The following RBM19 variants were observed in gnomAD, a reference collection of about 807,000 sequenced individuals.
RBM19 encodes the protein probable RNA-binding protein 19.
In RBM19, 94 loss-of-function variants were observed where a neutral mutation model predicts 116.8. The ratio of observed to expected loss-of-function variants is 0.80; its 90% CI spans 0.68 to 0.95. RBM19 has a LOEUF of 0.95. Ranked by LOEUF, RBM19 falls within the 40% of genes least tolerant of loss-of-function variation. The probability of loss-of-function intolerance (pLI) is 0.00; values close to 1 mark genes in which losing one functional copy is unlikely to be tolerated. For synonymous variants in RBM19, 475 were observed against 494.1 expected (o/e 0.96, Z 0.51); for missense variants, 1,161 against 1,220.7 (o/e 0.95, Z 0.73).
At chr12:113,838,779 A>T (rs1876184849) in intron 23 of RBM19, among the ~76,000 whole-genome samples, 1 of 152,194 alleles carries the variant, frequency 6.6e-6, no homozygotes, top group African/African-American at 2.4e-5. Context: ...GTGCTCAGGG[A>T]CCCAGGGAAG....
intron 8 of RBM19, 54 bp downstream of exon 8, chr12:113,952,458 C>T: frequency 6.7e-7 from 1 of 1,499,782 alleles, no homozygotes. Context: ...GTACCCCAAC[C>T]TTCAATCTTC....
At position 113,922,516 on chromosome 12, in the gene RBM19, T is replaced by C. The variant is rs541903052; in HGVS notation, c.2306-1826A>G. ...AGTACAAGGCTGGCCCCACAGAGCA[T>C]CTGACTGGGCGCAGTGAGAGGCAGG... On this transcript the variant is annotated intron_variant, in intron 18 of 23. Coordinates refer to ENST00000261741, the MANE Select transcript of RBM19 (RefSeq NM_016196.4). 7.2e-5 allele frequency among the ~76,000 whole-genome samples: 11 copies of C among 152,124 alleles called. No homozygotes were observed. The South Asian group carries it at 2.3e-3, about 32-fold the overall frequency.
intron 19 of RBM19, among the ~76,000 whole-genome samples, chr12:113,919,289 A>C (rs749823941): frequency 2.6e-5 from 4 of 152,248 alleles, no homozygotes; most frequent in Non-Finnish European, 5.9e-5. Context: ...ATTAGAACTT[A>C]GGCTGAGCAT....
chr12:113,822,547 C>G lies in RBM19; in HGVS notation c.*677G>C, dbSNP rs566141076. On this transcript the variant is annotated 3_prime_UTR_variant, in exon 24 of 24. Transcript: ENST00000261741. ...TTCCCTGGGTGACTGAACCAGGGCT[C>G]GTGGTCCCAAGTGACGAGGATGGGG... is the stretch of plus-strand genomic sequence containing the variant. The G allele has an allele frequency of 1.7e-4, 26 of 152,218 alleles. No individual in the cohort carries two copies. Among genetic ancestry groups the G allele is most frequent in the African/African-American group, 5.8e-4 (24 of 41,520 alleles). 9.4% of individuals were successfully genotyped at this position (152,218 alleles called of 1,614,324 possible).
At chr12:113,844,042 G>A (rs188971565) in intron 23 of RBM19, among the ~76,000 whole-genome samples, 1 of 152,334 alleles carries the variant, frequency 6.6e-6, no homozygotes, top group African/African-American at 2.4e-5. Context: ...CCTGAGCCTA[G>A]GGCCCTGCTT....
chr12:113,856,318 A>G (rs1194276242), intron 22 of RBM19, among the ~76,000 whole-genome samples: 1 of 152,218 alleles, frequency 6.6e-6, no homozygotes, highest in Non-Finnish European at 1.5e-5. Context: ...CCACCTGGGC[A>G]CTTGGTGAAC....
chr12:113,938,494 G>A (rs1426725487), intron 15 of RBM19, among the ~76,000 whole-genome samples: 1 of 145,544 alleles, frequency 6.9e-6, no homozygotes, highest in East Asian at 2.0e-4. Context: ...TCTAAGAATT[G>A]CTGAGGGAGA....
Position 113,924,685 on chromosome 12 carries a change from C to T in RBM19, c.2305+12G>A. 1.3e-6 allele frequency: 2 copies of T among 1,534,532 alleles called. No individual in the cohort carries two copies. The highest frequency in any genetic ancestry group is 1.8e-6 in the Non-Finnish European group (2 of 1,107,726). On this transcript the variant is annotated intron_variant, in intron 18 of 23. Coordinates refer to ENST00000261741, the MANE Select transcript of RBM19 (RefSeq NM_016196.4). The stretch of plus-strand genomic sequence containing the variant: ...TGAATACTGAACACTTTCCGAATTT[C>T]ATGCGGAATACCTGCTTTGTTCTTC...
At chr12:113,865,460 AGAGACT>A (rs1211537181) in intron 21 of RBM19, among the ~76,000 whole-genome samples, 1 of 152,152 alleles carries the variant, frequency 6.6e-6, no homozygotes. Flanking sequence ...TCATTTTGCT[AGAGACT>A]GAAAGTGGAC....
Position 113,939,475 on chromosome 12 carries a change from C to A in RBM19, c.1938+485G>T, listed in dbSNP as rs548289077. Among the ~76,000 whole-genome samples, 343 of 151,594 alleles carry A rather than the reference C, an allele frequency of 2.3e-3. 1 individual carries two copies. Among genetic ancestry groups the A allele is most frequent in the Non-Finnish European group, 4.3e-3 (290 of 67,892 alleles). On this transcript the variant is annotated intron_variant, in intron 15 of 23. Transcript: ENST00000261741. ...TCAGAACTCCCTTCTCCCGGCCCGG[C>A]GCAGTGGCTCACGCCTGTAATCCCA...
intron 21 of RBM19, among the ~76,000 whole-genome samples, chr12:113,913,466 T>A (rs531086340): frequency 6.6e-6 from 1 of 152,340 alleles, no homozygotes; most frequent in South Asian, 2.1e-4. Context: ...TCCCAGATAC[T>A]GGCAGGATTG....
At chr12:113,896,387 G>C (rs540221507) in intron 21 of RBM19, among the ~76,000 whole-genome samples, 2 of 152,202 alleles carry the variant, frequency 1.3e-5, no homozygotes, top group Admixed American at 1.3e-4. Flanking sequence ...GGGCATGTCC[G>C]CCTTAAAGGT....
intron 23 of RBM19, among the ~76,000 whole-genome samples, chr12:113,826,918 T>C (rs1023046273): frequency 1.3e-5 from 2 of 152,194 alleles, no homozygotes; most frequent in Non-Finnish European, 2.9e-5. Context: ...CTGCCAACTA[T>C]GTACTCATGT....
At chr12:113,941,238 C>T (rs2061413) in intron 14 of RBM19, among the ~76,000 whole-genome samples, 7,377 of 152,196 alleles carry the variant, frequency 0.048, 566 homozygotes, top group African/African-American at 0.17. Context: ...GAGTGAAAAC[C>T]ATCTGCAGGT....
intron 23 of RBM19, among the ~76,000 whole-genome samples, chr12:113,840,781 C>T (rs374190103): frequency 2.0e-5 from 3 of 152,222 alleles, no homozygotes; most frequent in Non-Finnish European, 4.4e-5. Context: ...CCTGTCCTCA[C>T]TGGACCCCAG....
At chr12:113,846,587 C>G (rs922155520) in intron 22 of RBM19, among the ~76,000 whole-genome samples, 1 of 152,134 alleles carries the variant, frequency 6.6e-6, no homozygotes, top group Non-Finnish European at 1.5e-5. Context: ...GTCTACAAAC[C>G]AAGGATGCCA....
intron 15 of RBM19, among the ~76,000 whole-genome samples, chr12:113,939,248 G>A (rs1311223721): frequency 6.6e-6 from 1 of 152,142 alleles, no homozygotes; most frequent in African/African-American, 2.4e-5. Context: ...CAAGGCTGCA[G>A]CGAACCAAGA....
At chr12:113,907,027 G>A (rs548070568) in intron 21 of RBM19, among the ~76,000 whole-genome samples, 1 of 152,232 alleles carries the variant, frequency 6.6e-6, no homozygotes, top group African/African-American at 2.4e-5. Flanking sequence ...GCGGGAGGAA[G>A]CGAGGAAGGA....
At chr12:113,904,584 T>C (rs894660151) in intron 21 of RBM19, among the ~76,000 whole-genome samples, 9 of 152,156 alleles carry the variant, frequency 5.9e-5, no homozygotes, top group South Asian at 2.1e-4. Flanking sequence ...CTTGCTCACA[T>C]AGGCAGAGAA....
Sources: gnomAD v4.1 joint callset for allele counts (sites outside exome capture counted in the v4.1 genomes callset) on GRCh38, gnomAD v4.1.1 for gene constraint, MANE v1.5 for transcripts, NCBI Gene and HGNC (gene_info 2026-07-23, HGNC 2026-07-21) for gene names.